ADGRL2: variants seen among roughly 807,000 people sequenced by gnomAD.
ADGRL2 encodes adhesion G protein-coupled receptor L2.
ADGRL2 carries 44 observed loss-of-function variants against 157.4 expected under a neutral mutation model. The observed-to-expected ratio is 0.28, with a 90% CI of 0.22 to 0.36. The LOEUF (loss-of-function observed/expected upper bound fraction) is 0.36. ADGRL2 is among the 10% of genes least tolerant of loss of function. ADGRL2 has a pLI of 1.00. For missense variants in ADGRL2, 1,510 were observed against 1,768.9 expected (o/e 0.85, Z 2.63); for synonymous variants, 585 against 624.7 (o/e 0.94, Z 0.95).
chr1:81,850,336 T>G (rs1354710642), intron 2 of ADGRL2, among the ~76,000 whole-genome samples: 1 of 151,882 alleles, frequency 6.6e-6, no homozygotes, highest in East Asian at 1.9e-4. Flanking sequence ...CTCCTCCTCT[T>G]TTACCCCTTC....
rs370628179 is a variant in ADGRL2, at chr1:81,848,924, T to G, written c.73+11867T>G. ...TCATTAAAACAGTTAAAAGGCATGC[T>G]CCTCCTGAGCCCCTCCTTCAGGTAT... On this transcript the variant is annotated intron_variant, in intron 2 of 23. Coordinates refer to ENST00000686636, the MANE Select transcript of ADGRL2 (RefSeq NM_001366006.2). Among the ~76,000 whole-genome samples the G allele has an allele frequency of 8.6e-5, 13 of 152,022 alleles. No individual in the cohort carries two copies. In the East Asian group the frequency reaches 1.4e-3, roughly 16 times the overall value.
At chr1:81,725,087 C>G (rs2084471894) in intron 1 of ADGRL2, among the ~76,000 whole-genome samples, 1 of 150,944 alleles carries the variant, frequency 6.6e-6, no homozygotes, top group Non-Finnish European at 1.5e-5. Flanking sequence ...TGCCTGTAAT[C>G]TCAGCTACTT....
At chr1:81,811,030 TA>T (rs2089806659) in intron 1 of ADGRL2, among the ~76,000 whole-genome samples, 1 of 151,906 alleles carries the variant, frequency 6.6e-6, no homozygotes, top group Admixed American at 6.6e-5. Flanking sequence ...AGTGCTATGA[TA>T]CCCATAGCCT....
intron 1 of ADGRL2, among the ~76,000 whole-genome samples, chr1:81,822,027 A>ATTTT (rs1557709112): frequency 1.1e-4 from 2 of 18,378 alleles, no homozygotes; most frequent in African/African-American, 2.8e-4. Flanking sequence ...AATATCAGAA[A>ATTTT]CTTTTTTTTT....
chr1:81,321,285 A>C (rs1387885808), intron 1 of ADGRL2, among the ~76,000 whole-genome samples: 2 of 152,220 alleles, frequency 1.3e-5, no homozygotes, highest in Non-Finnish European at 2.9e-5. Context: ...AAACTATATC[A>C]GCAATAAACC....
chr1:81,966,665 A>C, intron 13 of ADGRL2, 56 bp downstream of exon 13: 1 of 1,496,300 alleles, frequency 6.7e-7, no homozygotes. Flanking sequence ...GAAAGAAAGG[A>C]AAGCAAAACT....
chr1:81,608,355 G>A (rs2081475309), intron 3 of ADGRL2, among the ~76,000 whole-genome samples: 1 of 152,120 alleles, frequency 6.6e-6, no homozygotes, highest in Non-Finnish European at 1.5e-5. Flanking sequence ...TCTCGCTCCA[G>A]AACCAGCTTC....
At chr1:81,960,169 T>G (rs2149204259) in intron 11 of ADGRL2, among the ~76,000 whole-genome samples, 1 of 152,348 alleles carries the variant, frequency 6.6e-6, no homozygotes, top group East Asian at 1.9e-4. Flanking sequence ...ATTTTTTGTT[T>G]TTCTTGAGGA....
rs572730564 is a variant in ADGRL2, at chr1:81,971,296, T to A, written c.2955-556T>A. ...AAATCTGTCTTAATAAGTTTATGCA[T>A]CATTTACTCTAATACTGTGTGAGTT... On this transcript the variant is annotated intron_variant, in intron 16 of 23. Coordinates refer to ENST00000686636, the MANE Select transcript of ADGRL2 (RefSeq NM_001366006.2). Among the ~76,000 whole-genome samples, 3 of 152,284 alleles carry A rather than the reference T, an allele frequency of 2.0e-5. No homozygotes were observed. In the East Asian group the frequency reaches 5.8e-4, roughly 29 times the overall value.
chr1:81,459,841 CACAT>C (rs2077888821), intron 2 of ADGRL2, among the ~76,000 whole-genome samples: 1 of 150,782 alleles, frequency 6.6e-6, no homozygotes, highest in Non-Finnish European at 1.5e-5. Flanking sequence ...TACACACACA[CACAT>C]ACACACACTA....
At chr1:81,522,167 G>A (rs1396784091) in intron 2 of ADGRL2, among the ~76,000 whole-genome samples, 3 of 152,002 alleles carry the variant, frequency 2.0e-5, no homozygotes, top group Non-Finnish European at 2.9e-5. Context: ...TTTTCGCCAT[G>A]TTGGCCAGGC....
intron 17 of ADGRL2, among the ~76,000 whole-genome samples, chr1:81,978,336 C>A (rs1418296944): frequency 6.6e-6 from 1 of 151,610 alleles, no homozygotes; most frequent in Non-Finnish European, 1.5e-5. Context: ...TATATTATGA[C>A]CAACTAGAAT....
intron 1 of ADGRL2, among the ~76,000 whole-genome samples, chr1:81,397,044 C>T (rs967921185): frequency 6.6e-6 from 1 of 152,128 alleles, no homozygotes; most frequent in Non-Finnish European, 1.5e-5. Context: ...GGTTTAAGAA[C>T]AATTGGTATT....
chr1:81,436,639 T>C (rs2077415022), intron 1 of ADGRL2, among the ~76,000 whole-genome samples: 1 of 152,168 alleles, frequency 6.6e-6, no homozygotes, highest in African/African-American at 2.4e-5. Flanking sequence ...CCAGATGAAA[T>C]CAATATAAAA....
intron 2 of ADGRL2, among the ~76,000 whole-genome samples, chr1:81,473,656 A>G (rs750554608): frequency 6.6e-6 from 1 of 152,136 alleles, no homozygotes; most frequent in Admixed American, 6.5e-5. Context: ...CCCTTAACCT[A>G]TCACCCGTCT....
At chr1:81,862,760 A>AC (rs1475592243) in intron 2 of ADGRL2, among the ~76,000 whole-genome samples, 2 of 152,132 alleles carry the variant, frequency 1.3e-5, no homozygotes, top group African/African-American at 4.8e-5. Flanking sequence ...TTTCGCCTCT[A>AC]CCAGTGTCTC....
chr1:81,921,175 C>G (rs1271838005), intron 3 of ADGRL2, among the ~76,000 whole-genome samples: 1 of 152,106 alleles, frequency 6.6e-6, no homozygotes, highest in East Asian at 1.9e-4. Context: ...TCTAGTGTTT[C>G]TTTTACTTAA....
chr1:81,445,551 T>TGAG (rs2077582779), intron 2 of ADGRL2, among the ~76,000 whole-genome samples: 1 of 152,208 alleles, frequency 6.6e-6, no homozygotes, highest in South Asian at 2.1e-4. Flanking sequence ...AAGTGTGGGC[T>TGAG]GAAGGGACTT....
rs1188322122 is a variant in ADGRL2 at position 81,993,085 on chromosome 1, ATATTTTTTTTTTTTTTT to A, written c.*1942_*1958del. 0.013 allele frequency among the ~76,000 whole-genome samples: 422 copies of A among 31,932 alleles called. 2 individuals are homozygous for A. Among genetic ancestry groups the A allele is most frequent in the South Asian group, 0.024 (18 of 754 alleles). 20.9% of individuals were successfully genotyped at this position (31,932 alleles called of 152,430 possible). On this transcript the variant is annotated 3_prime_UTR_variant, in exon 24 of 24. Transcript: ENST00000686636. ...TATATATATATATATATATATATAT[ATATTTTTTTTTTTTTTT>A]TTTTTTTTTTTTTTTTTGGGACAGA...
Sources: allele counts gnomAD v4.1 joint callset (sites outside exome capture counted in the v4.1 genomes callset), GRCh38; gene constraint gnomAD v4.1.1; transcripts MANE v1.5; gene names NCBI Gene and HGNC (gene_info 2026-07-23, HGNC 2026-07-21).